GABRR3: variants seen among roughly 807,000 people sequenced by gnomAD.
GABRR3 encodes the protein gamma-aminobutyric acid type A receptor subunit rho3, also known as gamma-aminobutyric acid receptor subunit rho-3.
A neutral mutation model predicts 43.2 loss-of-function variants in GABRR3; 29 were observed. The observed-to-expected ratio is 0.67, with a 90% CI of 0.50 to 0.92. GABRR3 has a LOEUF of 0.92. Among genes scored for constraint, GABRR3 ranks in the 40% least tolerant of loss-of-function variants. GABRR3 has a pLI of 0.00. For synonymous variants in GABRR3, 206 were observed against 195.9 expected (o/e 1.05, Z -0.43); for missense variants, 576 against 572.3 (o/e 1.01, Z -0.07).
At chr3:98,020,819 A>C (rs1706933356) in intron 3 of GABRR3, among the ~76,000 whole-genome samples, 1 of 151,034 alleles carries the variant, frequency 6.6e-6, no homozygotes, top group Non-Finnish European at 1.5e-5. Context: ...TGCAAGGAAA[A>C]TGTATGCCCT....
At chr3:97,986,543 G>C (rs572720365), downstream of GABRR3, 27 of 594,058 alleles carry the variant, frequency 4.5e-5, no homozygotes, top group South Asian at 5.2e-4. Context: ...ATGTAAATCA[G>C]ACAGCTTTCA....
At chr3:98,013,949 A>G (rs147306271) in intron 4 of GABRR3, among the ~76,000 whole-genome samples, 1 of 152,226 alleles carries the variant, frequency 6.6e-6, no homozygotes, top group Non-Finnish European at 1.5e-5. Flanking sequence ...CGCTGGCACT[A>G]TCAGGAGCAG....
chr3:97,995,463 G>GGAATTGC (rs1223247181), intron 8 of GABRR3, among the ~76,000 whole-genome samples: 1 of 151,970 alleles, frequency 6.6e-6, no homozygotes, highest in African/African-American at 2.4e-5. Flanking sequence ...CAAATAAAAA[G>GGAATTGC]GAATTGCGCT....
In GABRR3 at chr3:98,025,278, G is replaced by T. The variant is rs1182658115; in HGVS notation, c.238+289C>A. 2.0e-5 allele frequency among the ~76,000 whole-genome samples: 3 copies of T among 152,212 alleles called. 1 individual carries two copies. The highest frequency in any genetic ancestry group is 6.8e-3 in the Middle Eastern group (2 of 294). On this transcript the variant is annotated intron_variant, in intron 3 of 9. Transcript: ENST00000621172. ...ATAAATAACATGTATCCAATTTAAG[G>T]ATTTTAGTTAGAAAATAAGTTGGTG...
Position 98,008,944 on chromosome 3 carries a change from A to G in GABRR3, c.613+12T>C. On this transcript the variant is annotated intron_variant, in intron 6 of 9. Coordinates refer to ENST00000621172, the Ensembl canonical transcript of GABRR3. ...ATGATGTGCACTCACTCCACCAGGA[A>G]GTGAGACTTACAGCTTTCCAGTTCA... 1.9e-6 allele frequency: 3 copies of G among 1,555,632 alleles called. No homozygotes were observed. The highest frequency in any genetic ancestry group is 2.6e-6 in the Non-Finnish European group (3 of 1,134,910).
chr3:97,987,956 A>G (rs1367911937), intron 9 of GABRR3, among the ~76,000 whole-genome samples: 1 of 150,710 alleles, frequency 6.6e-6, no homozygotes, highest in Non-Finnish European at 1.5e-5. Context: ...TTTTTTTTTC[A>G]CTCATTCTCT....
chr3:98,004,589 G>T (rs1363597571), intron 7 of GABRR3, among the ~76,000 whole-genome samples: 1 of 151,256 alleles, frequency 6.6e-6, no homozygotes, highest in African/African-American at 2.4e-5. Flanking sequence ...TTGAGAAAGG[G>T]ATCAGGAGGC....
chr3:98,006,235 C>T (rs987288156), intron 7 of GABRR3, among the ~76,000 whole-genome samples: 1 of 152,090 alleles, frequency 6.6e-6, no homozygotes, highest in Admixed American at 6.5e-5. Flanking sequence ...AATTATCTAA[C>T]ATTTATTCAT....
intron 8 of GABRR3, among the ~76,000 whole-genome samples, chr3:97,995,041 C>T (rs566316083): frequency 1.9e-4 from 29 of 152,072 alleles, no homozygotes; most frequent in Admixed American, 1.2e-3. Flanking sequence ...TGCAGTGGCA[C>T]GATCTCGGCT....
intron 7 of GABRR3, among the ~76,000 whole-genome samples, chr3:98,003,052 T>C (rs1706673210): frequency 6.6e-6 from 1 of 152,188 alleles, no homozygotes; most frequent in South Asian, 2.1e-4. Context: ...TTTATATATG[T>C]TCAGGAATAC....
chr3:98,030,001 T>A (rs542348090), intron 2 of GABRR3, among the ~76,000 whole-genome samples: 1 of 151,322 alleles, frequency 6.6e-6, no homozygotes. Flanking sequence ...TGTAATTTCA[T>A]CTACTCAGGA....
chr3:98,025,286 T>G (rs970152104), intron 3 of GABRR3, among the ~76,000 whole-genome samples: 1 of 152,206 alleles, frequency 6.6e-6, no homozygotes, highest in African/African-American at 2.4e-5. Flanking sequence ...AGGATTTTAG[T>G]TAGAAAATAA....
At chr3:98,032,958 A>G (rs1187085262) in intron 2 of GABRR3, among the ~76,000 whole-genome samples, 3 of 152,160 alleles carry the variant, frequency 2.0e-5, no homozygotes. Context: ...CTATTCACAT[A>G]CTAAGGTAGG....
chr3:97,986,010 G>T (rs1381309624), downstream of GABRR3, among the ~76,000 whole-genome samples: 1 of 152,082 alleles, frequency 6.6e-6, no homozygotes, highest in African/African-American at 2.4e-5. Flanking sequence ...CAGACTACAG[G>T]CGTGTGCCAC....
chr3:97,997,927 C>T (rs1449431040), intron 8 of GABRR3: 1 of 152,158 alleles, frequency 6.6e-6, no homozygotes, highest in Non-Finnish European at 1.5e-5. Flanking sequence ...TGATAATGCA[C>T]TTTCATGGAG....
downstream of GABRR3, among the ~76,000 whole-genome samples, chr3:97,985,949 C>T (rs1207088340): frequency 1.3e-5 from 2 of 152,010 alleles, no homozygotes; most frequent in Non-Finnish European, 2.9e-5. Context: ...TCACTGCAAC[C>T]TCTGCCTCCC....
intron 3 of GABRR3, among the ~76,000 whole-genome samples, chr3:98,020,104 GA>G (rs1164797658): frequency 6.6e-6 from 1 of 152,096 alleles, no homozygotes. Context: ...TCCAAGGGAA[GA>G]AAAAATTTGA....
chr3:98,034,383 C>T (rs1038221515), intron 2 of GABRR3, among the ~76,000 whole-genome samples: 8 of 152,056 alleles, frequency 5.3e-5, no homozygotes, highest in East Asian at 3.9e-4. Context: ...ATTTGTCAAA[C>T]GTATGAAAAT....
intron 8 of GABRR3, chr3:97,997,851 C>G (rs1706583749): frequency 6.6e-6 from 1 of 152,134 alleles, no homozygotes; most frequent in Non-Finnish European, 1.5e-5. Flanking sequence ...AAGGACATGT[C>G]TTCATTTATT....
Sources: allele counts gnomAD v4.1 joint callset (sites outside exome capture counted in the v4.1 genomes callset), GRCh38; gene constraint gnomAD v4.1.1; transcripts MANE v1.5; gene names NCBI Gene and HGNC (gene_info 2026-07-23, HGNC 2026-07-21).